The following CCDC171 variants were observed in gnomAD, a reference collection of about 807,000 sequenced individuals.
CCDC171 encodes the protein coiled-coil domain containing 171, also known as coiled-coil domain-containing protein 171.
In CCDC171, 177 loss-of-function variants were observed where a neutral mutation model predicts 168.2. That is an observed-to-expected ratio of 1.05 (90% CI 0.93 to 1.19). The LOEUF is 1.19. Ranked by LOEUF, CCDC171 falls within the 50% of genes most tolerant of loss-of-function variation. The pLI is 0.00. For missense variants in CCDC171, 1,991 were observed against 1,539.0 expected, an observed-to-expected ratio of 1.29 and a Z score of -4.91; for synonymous variants, 687 against 540.8, an observed-to-expected ratio of 1.27 and a Z score of -3.75.
chr9:15,602,717 G>A (rs1004886973), intron 6 of CCDC171, among the ~76,000 whole-genome samples: 29 of 138,140 alleles, frequency 2.1e-4, no homozygotes, highest in Non-Finnish European at 4.4e-4. Context: ...GTGCAGTGAT[G>A]TGATCTCGGC....
In CCDC171 at chr9:15,815,672, A is replaced by G. The variant is rs1381119871; in HGVS notation, c.3267+30978A>G. ...ATTTTCTCTGGTAAACCTTTAAACA[A>G]AAGAACTCCAACACTCATTTTCTTT... On this transcript the variant is annotated intron_variant, in intron 21 of 25. Transcript: ENST00000380701. 2.6e-5 allele frequency among the ~76,000 whole-genome samples: 3 copies of G among 116,438 alleles called. 1 individual carries two copies. Among genetic ancestry groups the G allele is most frequent in the Non-Finnish European group, 5.8e-5 (3 of 51,970 alleles). 76.4% of individuals were successfully genotyped at this position (116,438 alleles called of 152,430 possible).
At chr9:15,699,028 A>T (rs949651557) in intron 11 of CCDC171, among the ~76,000 whole-genome samples, 2 of 152,138 alleles carry the variant, frequency 1.3e-5, no homozygotes, top group Admixed American at 1.3e-4. Context: ...TGTGTCCGGA[A>T]TTGGTGGTTA....
At chr9:15,885,287 C>G (rs1395975756) in intron 24 of CCDC171, among the ~76,000 whole-genome samples, 1 of 151,862 alleles carries the variant, frequency 6.6e-6, no homozygotes, top group Non-Finnish European at 1.5e-5. Context: ...CTAGGTGGCC[C>G]TAAGTAGAAA....
At chr9:15,847,987 A>G (rs2130768976) in intron 22 of CCDC171, among the ~76,000 whole-genome samples, 2 of 152,176 alleles carry the variant, frequency 1.3e-5, no homozygotes, top group Middle Eastern at 6.8e-3. Flanking sequence ...AAGTTTGACT[A>G]AATCAGTTTT....
At chr9:15,888,830 G>A (rs1171645756) in intron 24 of CCDC171, among the ~76,000 whole-genome samples, 1 of 151,752 alleles carries the variant, frequency 6.6e-6, no homozygotes, top group African/African-American at 2.4e-5. Context: ...AACCTGACCT[G>A]CCCTAATTTT....
chr9:15,987,455 C>A (rs1225430215), intron 3 of CCDC171, among the ~76,000 whole-genome samples: 1 of 150,178 alleles, frequency 6.7e-6, no homozygotes. Flanking sequence ...AATATTGTAA[C>A]AAATGTAAAA....
intron 25 of CCDC171, among the ~76,000 whole-genome samples, chr9:15,931,051 G>T (rs1281229431): frequency 6.6e-6 from 1 of 151,656 alleles, no homozygotes; most frequent in Non-Finnish European, 1.5e-5. Flanking sequence ...AAACATTGGA[G>T]TGCAGCTATC....
intron 21 of CCDC171, among the ~76,000 whole-genome samples, chr9:15,789,521 G>C (rs1258763737): frequency 1.3e-5 from 2 of 152,164 alleles, no homozygotes; most frequent in Non-Finnish European, 2.9e-5. Flanking sequence ...CTGGAAAAAG[G>C]CTTGCCTAAT....
rs950113007 is a variant in CCDC171 at position 15,623,520 on chromosome 9, C to T, written c.822+107C>T. Reference sequence around the variant, plus strand: ...ACACACACACACATAAAACCCATTCCGTGATTTAAGATTGGAGAGTTTTAC... The same window carrying T: ...ACACACACACACATAAAACCCATTCTGTGATTTAAGATTGGAGAGTTTTAC... On this transcript the variant is annotated intron_variant, in intron 7 of 25. Coordinates refer to ENST00000380701, the MANE Select transcript of CCDC171 (RefSeq NM_173550.4). 4.8e-5 allele frequency: 22 copies of T among 454,868 alleles called. 1 individual carries two copies. Among genetic ancestry groups the T allele is most frequent in the East Asian group, 2.7e-4 (7 of 25,632 alleles). The allele number at this position is 454,868 out of a possible 1,614,324, so 28.2% of individuals were successfully genotyped here. A position where few individuals can be genotyped will look rare whatever the true frequency, so the allele number is the denominator to read the frequency against.
chr9:15,952,542 C>T (rs936639367), intron 25 of CCDC171, among the ~76,000 whole-genome samples: 18 of 152,064 alleles, frequency 1.2e-4, no homozygotes, highest in African/African-American at 4.1e-4. Flanking sequence ...GGACTACAGG[C>T]ATGCACCACC....
intron 24 of CCDC171, among the ~76,000 whole-genome samples, chr9:15,911,072 G>T (rs7860856): frequency 0.84 from 127,541 of 152,086 alleles, 53,640 homozygotes; most frequent in East Asian, 0.96. Context: ...GTAATGGGAT[G>T]GCTGGGTCAA....
chr9:16,003,694 C>G (rs1832618872), intron 3 of CCDC171, among the ~76,000 whole-genome samples: 1 of 152,174 alleles, frequency 6.6e-6, no homozygotes, highest in South Asian at 2.1e-4. Flanking sequence ...CTGCTGATCT[C>G]AACATAATAG....
At chr9:15,571,045 A>T (rs572315400) in intron 2 of CCDC171, among the ~76,000 whole-genome samples, 1 of 152,174 alleles carries the variant, frequency 6.6e-6, no homozygotes, top group South Asian at 2.1e-4. Context: ...TCCATTTTCA[A>T]AGGTGTTGCC....
chr9:15,701,389 C>G (rs983225091), intron 11 of CCDC171, among the ~76,000 whole-genome samples: 1 of 151,976 alleles, frequency 6.6e-6, no homozygotes, highest in Non-Finnish European at 1.5e-5. Flanking sequence ...ATGTTTGAGT[C>G]TTTACTCCAT....
chr9:15,876,244 A>G (rs1817828670), intron 24 of CCDC171, among the ~76,000 whole-genome samples: 2 of 152,116 alleles, frequency 1.3e-5, no homozygotes, highest in Non-Finnish European at 2.9e-5. Context: ...GATAAGTTCC[A>G]TTGATATGCT....
chr9:15,936,320 A>T (rs935721634), intron 25 of CCDC171, among the ~76,000 whole-genome samples: 12 of 151,982 alleles, frequency 7.9e-5, no homozygotes, highest in African/African-American at 1.4e-4. Context: ...AAAGTCAAAA[A>T]TTTTTTCCTG....
In CCDC171 at chr9:15,959,441, A is replaced by G. The variant is rs148907012; in HGVS notation, c.3754-12168A>G. Among the ~76,000 whole-genome samples the G allele has an allele frequency of 6.9e-3, 1,051 of 152,324 alleles. 5 individuals are homozygous for G. The highest frequency in any genetic ancestry group is 0.01 in the Non-Finnish European group (703 of 68,028). On this transcript the variant is annotated intron_variant, in intron 25 of 25. Coordinates refer to ENST00000380701, the MANE Select transcript of CCDC171 (RefSeq NM_173550.4). ...CAAATAGTAAGCAAACATACAGTAA[A>G]GAAGAGATGAAGTAGGAAACAGCGA... is the stretch of plus-strand genomic sequence containing the variant.
intron 18 of CCDC171, among the ~76,000 whole-genome samples, chr9:15,776,569 A>C (rs1379041727): frequency 6.6e-6 from 1 of 152,200 alleles, no homozygotes; most frequent in African/African-American, 2.4e-5. Context: ...TGCTACATAG[A>C]TTTTAAAATT....
intron 18 of CCDC171, among the ~76,000 whole-genome samples, chr9:15,763,091 A>G (rs1000861764): frequency 6.6e-6 from 1 of 152,226 alleles, no homozygotes; most frequent in Non-Finnish European, 1.5e-5. Context: ...GGAAACTGTT[A>G]TATTTAGGAT....
Sources: allele counts gnomAD v4.1 joint callset (sites outside exome capture counted in the v4.1 genomes callset), GRCh38; gene constraint gnomAD v4.1.1; transcripts MANE v1.5; gene names NCBI Gene and HGNC (gene_info 2026-07-23, HGNC 2026-07-21).